Variants in NXPH1 observed in about 807,000 individuals in gnomAD.
NXPH1 encodes neurexophilin 1, also known as neurexophilin-1.
Under a neutral mutation model 23.7 loss-of-function variants are expected in NXPH1, and 5 were observed. That is an observed-to-expected ratio of 0.21 (90% confidence interval 0.11 to 0.44). The LOEUF (loss-of-function observed/expected upper bound fraction) is 0.44. Ranked by LOEUF, NXPH1 falls within the 20% of genes least tolerant of loss-of-function variation. NXPH1 has a pLI of 0.99. For synonymous variants in NXPH1, 144 were observed against 122.2 expected (o/e 1.18, Z -1.18); for missense variants, 324 against 321.6 (o/e 1.01, Z -0.06).
intron 2 of NXPH1, among the ~76,000 whole-genome samples, chr7:8,671,006 A>G (rs1820860596): frequency 6.6e-6 from 1 of 152,208 alleles, no homozygotes; most frequent in South Asian, 2.1e-4. Context: ...TTTAACAAGA[A>G]ATCATTCAAA....
chr7:8,645,163 G>T (rs528625945), intron 2 of NXPH1, among the ~76,000 whole-genome samples: 19 of 152,178 alleles, frequency 1.2e-4, no homozygotes, highest in African/African-American at 4.6e-4. Flanking sequence ...TGCACACAAA[G>T]AATTCTTACG....
At chr7:8,498,074 T>A (rs1224844523) in intron 2 of NXPH1, among the ~76,000 whole-genome samples, 1 of 152,124 alleles carries the variant, frequency 6.6e-6, no homozygotes, top group Non-Finnish European at 1.5e-5. Context: ...CTCTGCTTAT[T>A]TTGTGAGAAT....
chr7:8,610,328 C>T (rs1819588757), intron 2 of NXPH1, among the ~76,000 whole-genome samples: 1 of 152,066 alleles, frequency 6.6e-6, no homozygotes, highest in Non-Finnish European at 1.5e-5. Context: ...ACTGAATTAG[C>T]TAGGAATTTT....
At position 8,633,509 on chromosome 7, in the gene NXPH1, A is replaced by G. The variant is rs561536684; in HGVS notation, c.55-117499A>G. 2.0e-5 allele frequency among the ~76,000 whole-genome samples: 3 copies of G among 152,320 alleles called. No homozygotes were observed. The South Asian group carries it at 6.2e-4, about 32-fold the overall frequency. On this transcript the variant is annotated intron_variant, in intron 2 of 2. Coordinates refer to ENST00000405863, the MANE Select transcript of NXPH1 (RefSeq NM_152745.3). ...TGAAAGCGCACACACATTGTACTAC[A>G]GTGTTGCGTGACAACCGAATTTCTC... is the stretch of plus-strand genomic sequence containing the variant.
chr7:8,627,128 A>G (rs1476112098), intron 2 of NXPH1, among the ~76,000 whole-genome samples: 1 of 152,140 alleles, frequency 6.6e-6, no homozygotes, highest in African/African-American at 2.4e-5. Flanking sequence ...GCTAATATAC[A>G]TTTAAGTGAA....
At chr7:8,750,385 G>A (rs1408590353) in intron 2 of NXPH1, among the ~76,000 whole-genome samples, 1 of 152,088 alleles carries the variant, frequency 6.6e-6, no homozygotes, top group African/African-American at 2.4e-5. Context: ...TGTTACACAA[G>A]CATACATGTG....
chr7:8,556,528 T>A (rs954560241), intron 2 of NXPH1, among the ~76,000 whole-genome samples: 1 of 151,656 alleles, frequency 6.6e-6, no homozygotes, highest in Admixed American at 6.6e-5. Flanking sequence ...GAGTGATCAA[T>A]GAGTTCCGAG....
intron 2 of NXPH1, among the ~76,000 whole-genome samples, chr7:8,597,229 C>G (rs1467932): frequency 0.085 from 12,851 of 152,068 alleles, 1,318 homozygotes; most frequent in African/African-American, 0.24. Flanking sequence ...ACAACAAAGA[C>G]AGTTGGGTCT....
chr7:8,464,097 T>G (rs1816738730), intron 2 of NXPH1, among the ~76,000 whole-genome samples: 1 of 152,166 alleles, frequency 6.6e-6, no homozygotes, highest in South Asian at 2.1e-4. Flanking sequence ...CAATTCTCAG[T>G]GCTCTTTGTC....
chr7:8,647,859 T>C (rs776149460), intron 2 of NXPH1, among the ~76,000 whole-genome samples: 3 of 152,018 alleles, frequency 2.0e-5, no homozygotes, highest in Admixed American at 6.6e-5. Context: ...CTTATCCTAA[T>C]TTATCCTTGA....
In NXPH1 at chr7:8,597,300, T is replaced by C. The variant is rs144090407; in HGVS notation, c.55-153708T>C. On this transcript the variant is annotated intron_variant, in intron 2 of 2. Coordinates refer to ENST00000405863, the MANE Select transcript of NXPH1 (RefSeq NM_152745.3). ...GTAAAGTTTATTTAGCTAGATTGCT[T>C]AGTTGGACATGCATGGTGGACAGAC... 8.5e-5 allele frequency among the ~76,000 whole-genome samples: 13 copies of C among 152,190 alleles called. No homozygotes were observed. The East Asian group carries it at 2.5e-3, about 29-fold the overall frequency.
chr7:8,651,907 T>G (rs887585867), intron 2 of NXPH1, among the ~76,000 whole-genome samples: 1 of 152,180 alleles, frequency 6.6e-6, no homozygotes, highest in Non-Finnish European at 1.5e-5. Flanking sequence ...AGAACAAGTA[T>G]AATATTCTTT....
intron 2 of NXPH1, among the ~76,000 whole-genome samples, chr7:8,657,337 G>C (rs12531790): frequency 0.053 from 8,120 of 152,304 alleles, 398 homozygotes; most frequent in East Asian, 0.17. Flanking sequence ...AGGGCGGTTG[G>C]ATTTGATAAT....
At chr7:8,618,011 A>T (rs919377868) in intron 2 of NXPH1, among the ~76,000 whole-genome samples, 1 of 152,130 alleles carries the variant, frequency 6.6e-6, no homozygotes, top group Non-Finnish European at 1.5e-5. Flanking sequence ...ATGTACCCAC[A>T]AAAGTTAAAA....
intron 2 of NXPH1, among the ~76,000 whole-genome samples, chr7:8,674,203 A>C (rs13239852): frequency 0.092 from 10,550 of 115,226 alleles, 666 homozygotes; most frequent in East Asian, 0.2. Flanking sequence ...ACACACACAC[A>C]CCTATGCAAT....
chr7:8,671,983 T>TGC (rs1820875575), intron 2 of NXPH1, among the ~76,000 whole-genome samples: 4 of 151,854 alleles, frequency 2.6e-5, no homozygotes, highest in African/African-American at 9.7e-5. Flanking sequence ...GAGTTCATTG[T>TGC]AGATTCTGGA....
rs181631048 is a variant in NXPH1, at chr7:8,524,836, C to A, written c.54+89069C>A. Among the ~76,000 whole-genome samples the A allele has an allele frequency of 4.3e-3, 652 of 152,304 alleles. 7 individuals carry two copies. Among genetic ancestry groups the A allele is most frequent in the African/African-American group, 0.015 (634 of 41,568 alleles). On this transcript the variant is annotated intron_variant, in intron 2 of 2. Transcript: ENST00000405863. ...GCCTCCAACCATGATTCTAAGGCCT[C>A]CACAGCCACATGGAACTGTAAGTCC...
chr7:8,702,807 T>C (rs1779646783), intron 2 of NXPH1, among the ~76,000 whole-genome samples: 1 of 152,112 alleles, frequency 6.6e-6, no homozygotes, highest in Non-Finnish European at 1.5e-5. Context: ...CTCTTACAGT[T>C]AGAGATGTGA....
intron 2 of NXPH1, among the ~76,000 whole-genome samples, chr7:8,450,412 C>G (rs1312734601): frequency 6.6e-6 from 1 of 152,248 alleles, no homozygotes; most frequent in East Asian, 1.9e-4. Flanking sequence ...AAAAGAGTTT[C>G]AGACATCCAA....
Sources: gnomAD v4.1 joint callset for allele counts (sites outside exome capture counted in the v4.1 genomes callset) on GRCh38, gnomAD v4.1.1 for gene constraint, MANE v1.5 for transcripts, NCBI Gene and HGNC (gene_info 2026-07-23, HGNC 2026-07-21) for gene names.